The following CFAP299 variants were observed in gnomAD, a reference collection of about 807,000 sequenced individuals.
CFAP299 encodes cilia and flagella associated protein 299.
A neutral mutation model predicts 27.0 loss-of-function variants in CFAP299; 21 were observed. The ratio of observed to expected loss-of-function variants is 0.78; its 90% confidence interval spans 0.55 to 1.12. The LOEUF is 1.12. Ranked by LOEUF, CFAP299 falls within the 50% of genes most tolerant of loss-of-function variation. The pLI is 0.00. For synonymous variants in CFAP299, 104 were observed against 98.1 expected, an observed-to-expected ratio of 1.06 and a Z score of -0.36; for missense variants, 310 against 276.6, an observed-to-expected ratio of 1.12 and a Z score of -0.86.
chr4:80,411,587 A>G (rs967567037), intron 2 of CFAP299, among the ~76,000 whole-genome samples: 1 of 152,082 alleles, frequency 6.6e-6, no homozygotes. Flanking sequence ...ATATTACAAT[A>G]TAATATATAG....
At chr4:80,415,504 GC>G (rs1726953544) in intron 2 of CFAP299, among the ~76,000 whole-genome samples, 1 of 151,934 alleles carries the variant, frequency 6.6e-6, no homozygotes, top group Admixed American at 6.6e-5. Context: ...TAATCTGGTT[GC>G]TAAAATAGTA....
intron 3 of CFAP299, among the ~76,000 whole-genome samples, chr4:80,830,567 A>C (rs1730247038): frequency 6.6e-6 from 1 of 152,110 alleles, no homozygotes; most frequent in Non-Finnish European, 1.5e-5. Flanking sequence ...GCAGGGACCA[A>C]AATGAGGATG....
intron 2 of CFAP299, among the ~76,000 whole-genome samples, chr4:80,464,192 C>A (rs1434020812): frequency 1.3e-5 from 2 of 152,108 alleles, no homozygotes; most frequent in African/African-American, 4.8e-5. Context: ...TGGAAGTTTG[C>A]TAGATCCTTA....
intron 3 of CFAP299, among the ~76,000 whole-genome samples, chr4:80,743,775 T>C (rs570604686): frequency 2.0e-5 from 3 of 152,306 alleles, no homozygotes; most frequent in South Asian, 2.1e-4. Context: ...ATGGCACATG[T>C]ATACCTGTGT....
chr4:80,622,962 A>G (rs1738682968), intron 3 of CFAP299, among the ~76,000 whole-genome samples: 1 of 152,212 alleles, frequency 6.6e-6, no homozygotes, highest in East Asian at 1.9e-4. Flanking sequence ...ATGGCTTTGT[A>G]GGACACTGTA....
At chr4:80,468,759 C>T (rs1406324438) in intron 2 of CFAP299, among the ~76,000 whole-genome samples, 1 of 148,108 alleles carries the variant, frequency 6.8e-6, no homozygotes, top group East Asian at 2.0e-4. Context: ...CGCTTGAACC[C>T]AGGAGGCAGA....
At chr4:80,470,369 T>C (rs1729934126) in intron 2 of CFAP299, among the ~76,000 whole-genome samples, 1 of 152,204 alleles carries the variant, frequency 6.6e-6, no homozygotes, top group African/African-American at 2.4e-5. Flanking sequence ...TTCTTTCTTA[T>C]GTTGTATATG....
At chr4:80,501,586 A>T (rs72874056) in intron 2 of CFAP299, among the ~76,000 whole-genome samples, 11,180 of 149,390 alleles carry the variant, frequency 0.075, 605 homozygotes, top group East Asian at 0.25. Context: ...ATATCTATAA[A>T]TTGCAATGAA....
At chr4:80,598,539 G>T (rs1029023647) in intron 3 of CFAP299, among the ~76,000 whole-genome samples, 16 of 152,116 alleles carry the variant, frequency 1.1e-4, no homozygotes, top group Middle Eastern at 3.2e-3. Context: ...ATTTAATGGT[G>T]TTTTCATGTT....
chr4:80,606,318 CAA>C lies in CFAP299; in HGVS notation c.333+23136_333+23137del, dbSNP rs148899057. The stretch of plus-strand genomic sequence containing the variant: ...TTGGGAGGCCAAGGCGGGTGGATCA[CAA>C]GGTCAGGAGTTCGAAACCAGCCTAG... On this transcript the variant is annotated intron_variant, in intron 3 of 5. Transcript: ENST00000358105. Among the ~76,000 whole-genome samples, 66 of 152,236 alleles carry C rather than the reference CAA, an allele frequency of 4.3e-4. No homozygotes were observed. The East Asian group carries it at 0.012, about 28-fold the overall frequency.
At chr4:80,815,358 G>A (rs1392004823) in intron 3 of CFAP299, among the ~76,000 whole-genome samples, 1 of 151,832 alleles carries the variant, frequency 6.6e-6, no homozygotes, top group African/African-American at 2.4e-5. Context: ...GCAATGAAGT[G>A]TGAAACAATT....
chr4:80,482,524 A>G (rs749956296), intron 2 of CFAP299, among the ~76,000 whole-genome samples: 3 of 152,142 alleles, frequency 2.0e-5, no homozygotes, highest in Admixed American at 6.6e-5. Flanking sequence ...TACAGCAATA[A>G]AAAAACAAAG....
chr4:80,596,045 T>A (rs1737042132), intron 3 of CFAP299, among the ~76,000 whole-genome samples: 1 of 152,092 alleles, frequency 6.6e-6, no homozygotes, highest in Non-Finnish European at 1.5e-5. Context: ...TCTTATTTTA[T>A]ATAATTATCT....
chr4:80,621,609 G>A (rs888176808), intron 3 of CFAP299, among the ~76,000 whole-genome samples: 6 of 152,130 alleles, frequency 3.9e-5, no homozygotes, highest in African/African-American at 1.4e-4. Context: ...TGTATGCCAA[G>A]CACTATTCCA....
intron 3 of CFAP299, among the ~76,000 whole-genome samples, chr4:80,738,885 T>C (rs2110062522): frequency 1.3e-5 from 2 of 152,140 alleles, no homozygotes; most frequent in Middle Eastern, 6.8e-3. Context: ...TTTCTTAGTT[T>C]TTTAATTTTT....
chr4:80,333,719 T>G (rs2109959746), upstream of CFAP299, among the ~76,000 whole-genome samples: 1 of 152,350 alleles, frequency 6.6e-6, no homozygotes, highest in East Asian at 1.9e-4. Context: ...TACTAATCCT[T>G]CTTTGTCCTT....
intron 4 of CFAP299, among the ~76,000 whole-genome samples, chr4:80,890,133 C>A (rs28867483): frequency 0.15 from 23,223 of 151,900 alleles, 3,049 homozygotes; most frequent in African/African-American, 0.34. Flanking sequence ...AGCCATAATA[C>A]TTAGACAGGA....
chr4:80,736,737 C>T (rs377635126), intron 3 of CFAP299, among the ~76,000 whole-genome samples: 1 of 152,132 alleles, frequency 6.6e-6, no homozygotes, highest in Admixed American at 6.6e-5. Flanking sequence ...AGTTCAACCA[C>T]TGTGGAAGTC....
At chr4:80,800,662 ATAT>A (rs1463015899) in intron 3 of CFAP299, among the ~76,000 whole-genome samples, 1,604 of 109,920 alleles carry the variant, frequency 0.015, 77 homozygotes, top group African/African-American at 0.056. Flanking sequence ...TATATATGAT[ATAT>A]TAATATAAAT....
Sources: gnomAD v4.1 joint callset for allele counts (sites outside exome capture counted in the v4.1 genomes callset) on GRCh38, gnomAD v4.1.1 for gene constraint, MANE v1.5 for transcripts, NCBI Gene and HGNC (gene_info 2026-07-23, HGNC 2026-07-21) for gene names.